Variants in BABAM2 observed in about 807,000 individuals in gnomAD.
BABAM2 encodes BRISC and BRCA1 A complex member 2.
Under a neutral mutation model 54.7 loss-of-function variants are expected in BABAM2, and 31 were observed. That is an observed-to-expected ratio of 0.57 (90% CI 0.43 to 0.77). The LOEUF is 0.77. Ranked by LOEUF, BABAM2 falls within the 30% of genes least tolerant of loss-of-function variation. The pLI, the probability that BABAM2 is intolerant of heterozygous loss-of-function variation, is 0.00. For missense variants in BABAM2, 364 were observed against 455.8 expected (o/e 0.80, Z 1.83); for synonymous variants, 167 against 162.9 (o/e 1.03, Z -0.19).
intron 7 of BABAM2, among the ~76,000 whole-genome samples, chr2:28,167,609 G>A (rs926565110): frequency 1.5e-4 from 22 of 151,440 alleles, no homozygotes; most frequent in African/African-American, 5.1e-4. Context: ...CAGGAGAATC[G>A]CTTGAACCCG....
At chr2:28,196,109 C>G (rs1257524184) in intron 7 of BABAM2, among the ~76,000 whole-genome samples, 5 of 152,024 alleles carry the variant, frequency 3.3e-5, no homozygotes, top group Admixed American at 3.3e-4. Flanking sequence ...AGGCGGATCA[C>G]GAGGTCAGGA....
Position 28,225,178 on chromosome 2 carries a change from C to A in BABAM2, c.681-12024C>A, listed in dbSNP as rs114702589. On this transcript the variant is annotated intron_variant, in intron 7 of 11. Coordinates refer to ENST00000379624, the MANE Select transcript of BABAM2 (RefSeq NM_199191.3). Reference sequence around the variant, plus strand: ...GCTGCTTAGGCCAACCCGGGCTGATCGCAGTAGAGACAGGGCAGCCACAAG... The same window carrying A: ...GCTGCTTAGGCCAACCCGGGCTGATAGCAGTAGAGACAGGGCAGCCACAAG... Among the ~76,000 whole-genome samples, 866 of 152,264 alleles carry A rather than the reference C, an allele frequency of 5.7e-3. 8 individuals are homozygous for A. Among genetic ancestry groups the A allele is most frequent in the African/African-American group, 0.02 (816 of 41,546 alleles).
chr2:27,901,872 A>C (rs537459426), intron 2 of BABAM2, among the ~76,000 whole-genome samples: 19 of 152,320 alleles, frequency 1.2e-4, no homozygotes, highest in African/African-American at 3.4e-4. Context: ...ACATAAATAT[A>C]TTCCTCAACA....
chr2:28,105,261 A>G (rs753246404), intron 6 of BABAM2, among the ~76,000 whole-genome samples: 37 of 152,212 alleles, frequency 2.4e-4, no homozygotes, highest in African/African-American at 5.8e-4. Flanking sequence ...CATCTCTTCA[A>G]TGAGGAAAAA....
intron 10 of BABAM2, among the ~76,000 whole-genome samples, chr2:28,258,692 A>T (rs1558479086): frequency 7.4e-6 from 1 of 135,066 alleles, no homozygotes; most frequent in Non-Finnish European, 1.5e-5. Flanking sequence ...GGCTCATTGC[A>T]GCCTCTACCT....
chr2:28,002,093 TATAAC>T (rs1673620050), intron 4 of BABAM2, among the ~76,000 whole-genome samples: 1 of 151,010 alleles, frequency 6.6e-6, no homozygotes, highest in Non-Finnish European at 1.5e-5. Context: ...TATTGATTCA[TATAAC>T]AGTAAAGACC....
intron 7 of BABAM2, chr2:28,233,460 A>G (rs1250057398): frequency 5.8e-6 from 2 of 344,764 alleles, no homozygotes; most frequent in Non-Finnish European, 1.2e-5. Flanking sequence ...CTCTGAAAAC[A>G]TAATGACTCT....
At chr2:27,946,290 TATG>T (rs1669292652) in intron 3 of BABAM2, among the ~76,000 whole-genome samples, 1 of 152,262 alleles carries the variant, frequency 6.6e-6, no homozygotes, top group Non-Finnish European at 1.5e-5. Context: ...ATTCTGTTAA[TATG>T]ATAAATAAAC....
chr2:28,240,870 CA>C (rs56247120), intron 8 of BABAM2, among the ~76,000 whole-genome samples: 91,244 of 109,160 alleles, frequency 0.84, 37,565 homozygotes, highest in South Asian at 0.93. Flanking sequence ...GACTCTGTCT[CA>C]AAAAAAAAAA....
Position 28,126,963 on chromosome 2 carries a change from G to A in BABAM2, c.571-2308G>A, listed in dbSNP as rs557383839. The stretch of plus-strand genomic sequence containing the variant: ...CTTCTTTTGAGAAGTGTCTGTTCAT[G>A]TCCTTCGCCCACTTTTTGATGGGGT... On this transcript the variant is annotated intron_variant, in intron 6 of 11. Coordinates refer to ENST00000379624, the MANE Select transcript of BABAM2 (RefSeq NM_199191.3). Among the ~76,000 whole-genome samples the A allele has an allele frequency of 2.2e-4, 33 of 150,212 alleles. No individual in the cohort carries two copies. The South Asian group carries it at 3.6e-3, about 16-fold the overall frequency.
At chr2:28,044,467 G>A (rs967342510) in intron 5 of BABAM2, among the ~76,000 whole-genome samples, 24 of 152,172 alleles carry the variant, frequency 1.6e-4, no homozygotes, top group Non-Finnish European at 8.8e-5. Context: ...CTGACCGTGG[G>A]TGATCTGCCT....
chr2:28,249,614 A>T (rs1683254162), intron 10 of BABAM2, among the ~76,000 whole-genome samples: 1 of 152,196 alleles, frequency 6.6e-6, no homozygotes, highest in African/African-American at 2.4e-5. Context: ...TTTATGCAAG[A>T]CACAGTTATA....
intron 7 of BABAM2, among the ~76,000 whole-genome samples, chr2:28,155,704 A>G (rs116248193): frequency 0.024 from 3,724 of 152,308 alleles, 62 homozygotes; most frequent in Middle Eastern, 0.044. Context: ...AGCTATAAAG[A>G]GAAAAGGAGA....
chr2:28,169,286 G>C (rs1272455005), intron 7 of BABAM2, among the ~76,000 whole-genome samples: 1 of 152,166 alleles, frequency 6.6e-6, no homozygotes, highest in East Asian at 1.9e-4. Context: ...ACTCTAAGTA[G>C]TGCCAATATT....
chr2:28,332,704 G>A (rs1295302690), intron 11 of BABAM2, among the ~76,000 whole-genome samples: 1 of 152,190 alleles, frequency 6.6e-6, no homozygotes, highest in East Asian at 1.9e-4. Context: ...ATCATCCCTG[G>A]TCAAGCCCTG....
chr2:28,092,742 G>A (rs370404888), intron 6 of BABAM2, among the ~76,000 whole-genome samples: 7 of 122,974 alleles, frequency 5.7e-5, no homozygotes, highest in African/African-American at 8.5e-5. Context: ...CTCTCCCTTC[G>A]TCTCTGCCTC....
chr2:28,163,210 C>T lies in BABAM2; in HGVS notation c.680+33830C>T, dbSNP rs1199343589. On this transcript the variant is annotated intron_variant, in intron 7 of 11. Coordinates refer to ENST00000379624, the MANE Select transcript of BABAM2 (RefSeq NM_199191.3). The stretch of plus-strand genomic sequence containing the variant: ...CCCAGCCGGCAGCCACCCTGCTTCC[C>T]CCATGACCTTCTTCTGAGTGTGAAG... Among the ~76,000 whole-genome samples, 3 of 152,160 alleles carry T rather than the reference C, an allele frequency of 2.0e-5. No individual in the cohort carries two copies. In the East Asian group the frequency reaches 5.8e-4, roughly 29 times the overall value.
At chr2:28,108,138 G>A (rs564054512) in intron 6 of BABAM2, among the ~76,000 whole-genome samples, 1 of 151,764 alleles carries the variant, frequency 6.6e-6, no homozygotes, top group African/African-American at 2.4e-5. Context: ...AGCCTGCTTT[G>A]TACTGTTTTA....
At chr2:27,939,457 A>C (rs190275722) in intron 3 of BABAM2, among the ~76,000 whole-genome samples, 16 of 152,356 alleles carry the variant, frequency 1.1e-4, no homozygotes, top group African/African-American at 3.6e-4. Context: ...TGCATGCATA[A>C]ATTAATGAAT....
Sources: allele counts gnomAD v4.1 joint callset (sites outside exome capture counted in the v4.1 genomes callset), GRCh38; gene constraint gnomAD v4.1.1; transcripts MANE v1.5; gene names NCBI Gene and HGNC (gene_info 2026-07-23, HGNC 2026-07-21).